The following SLC2A13 variants were observed in gnomAD, a reference collection of about 807,000 sequenced individuals.
SLC2A13 encodes the protein proton myo-inositol cotransporter.
Under a neutral mutation model 64.4 loss-of-function variants are expected in SLC2A13, and 32 were observed. The ratio of observed to expected loss-of-function variants is 0.50; its 90% CI spans 0.37 to 0.67. The LOEUF is 0.67. Among genes scored for constraint, SLC2A13 ranks in the 30% least tolerant of loss-of-function variants. SLC2A13 has a pLI of 0.00. For synonymous variants in SLC2A13, 338 were observed against 327.1 expected (o/e 1.03, Z -0.36); for missense variants, 743 against 829.2 (o/e 0.90, Z 1.28).
intron 5 of SLC2A13, among the ~76,000 whole-genome samples, chr12:39,868,725 A>C (rs1943968995): frequency 6.6e-6 from 1 of 152,210 alleles, no homozygotes; most frequent in African/African-American, 2.4e-5. Flanking sequence ...CCAATATTAA[A>C]GAATCAAGAA....
At chr12:40,100,969 C>CAAAAAAAAAAA (rs10633826) in intron 1 of SLC2A13, among the ~76,000 whole-genome samples, 1 of 84,678 alleles carries the variant, frequency 1.2e-5, no homozygotes, top group Non-Finnish European at 2.1e-5. Context: ...CCATCTCAGA[C>CAAAAAAAAAAA]AAAAAAAAAA....
At chr12:40,017,976 T>TAAAAAAAAAAAAAAAAAAAAA (rs5797648) in intron 3 of SLC2A13, among the ~76,000 whole-genome samples, 1 of 128,532 alleles carries the variant, frequency 7.8e-6, no homozygotes, top group African/African-American at 2.9e-5. Flanking sequence ...TGCACATATT[T>TAAAAAAAAAAAAAAAAAAAAA]AAAAAAAAAA....
chr12:39,776,146 C>T (rs1232908517), intron 7 of SLC2A13, among the ~76,000 whole-genome samples: 1 of 152,212 alleles, frequency 6.6e-6, no homozygotes, highest in Non-Finnish European at 1.5e-5. Context: ...TCAGGCATTA[C>T]AGTTATTAGC....
intron 7 of SLC2A13, among the ~76,000 whole-genome samples, chr12:39,769,681 T>A (rs1940491244): frequency 6.6e-6 from 1 of 151,998 alleles, no homozygotes; most frequent in Non-Finnish European, 1.5e-5. Flanking sequence ...CTTCTTTTCC[T>A]GCCCTATTTA....
intron 3 of SLC2A13, among the ~76,000 whole-genome samples, chr12:39,961,372 C>G (rs558897588): frequency 3.3e-5 from 5 of 152,144 alleles, no homozygotes; most frequent in Non-Finnish European, 5.9e-5. Flanking sequence ...AGCCACCACG[C>G]CTGGACTAAA....
intron 2 of SLC2A13, among the ~76,000 whole-genome samples, chr12:40,047,817 C>A (rs1236605843): frequency 6.6e-6 from 1 of 152,090 alleles, no homozygotes; most frequent in Non-Finnish European, 1.5e-5. Context: ...AGAAATGTCA[C>A]CTAAATGCTA....
intron 4 of SLC2A13, among the ~76,000 whole-genome samples, chr12:39,899,639 C>T (rs1159278109): frequency 6.6e-6 from 1 of 152,064 alleles, no homozygotes; most frequent in Non-Finnish European, 1.5e-5. Flanking sequence ...TTTCCCTCTA[C>T]ACACTGCTTT....
chr12:40,085,448 C>T (rs138812972), intron 1 of SLC2A13, among the ~76,000 whole-genome samples: 74 of 152,186 alleles, frequency 4.9e-4, no homozygotes, highest in African/African-American at 1.5e-3. Context: ...TGGAATCAGA[C>T]GCTATTTCTA....
chr12:39,855,949 A>G (rs1043576446), intron 6 of SLC2A13, among the ~76,000 whole-genome samples: 3 of 152,150 alleles, frequency 2.0e-5, no homozygotes, highest in African/African-American at 7.2e-5. Flanking sequence ...CCTAAACACT[A>G]TGTGACCTGT....
intron 3 of SLC2A13, among the ~76,000 whole-genome samples, chr12:39,996,606 G>A (rs533893693): frequency 6.6e-6 from 1 of 152,344 alleles, no homozygotes; most frequent in East Asian, 1.9e-4. Context: ...GCCCCATGCA[G>A]TGTGTAGCCT....
chr12:39,975,111 T>C (rs1370238926), intron 3 of SLC2A13, among the ~76,000 whole-genome samples: 1 of 152,208 alleles, frequency 6.6e-6, no homozygotes, highest in Admixed American at 6.5e-5. Flanking sequence ...TTCATTATGG[T>C]GATGCTTTTA....
intron 6 of SLC2A13, among the ~76,000 whole-genome samples, chr12:39,852,256 T>C (rs903414905): frequency 6.6e-6 from 1 of 152,224 alleles, no homozygotes. Flanking sequence ...GACCCGTCTC[T>C]GGTATTGTTC....
intron 9 of SLC2A13, among the ~76,000 whole-genome samples, chr12:39,762,141 T>C (rs550610585): frequency 1.3e-5 from 2 of 152,164 alleles, no homozygotes; most frequent in South Asian, 4.1e-4. Context: ...TGGGTTCCAA[T>C]GGTTAGACCT....
chr12:39,966,221 G>C (rs1054445100), intron 3 of SLC2A13, among the ~76,000 whole-genome samples: 12 of 151,810 alleles, frequency 7.9e-5, no homozygotes, highest in African/African-American at 2.7e-4. Flanking sequence ...CAGCGTGAGA[G>C]AGAGAGGTTT....
chr12:39,832,915 G>A (rs142648786), intron 6 of SLC2A13, among the ~76,000 whole-genome samples: 1 of 152,210 alleles, frequency 6.6e-6, no homozygotes, highest in East Asian at 1.9e-4. Flanking sequence ...TAGAGCAGAT[G>A]AGTAGCTCTT....
chr12:39,829,392 CTTTTTTTTT>C (rs1202354539), intron 7 of SLC2A13: 1 of 65,796 alleles, frequency 1.5e-5, no homozygotes, highest in Non-Finnish European at 2.5e-5. Context: ...GATAGTAATT[CTTTTTTTTT>C]TTTTTTTTTT....
chr12:39,780,090 T>C (rs1426245134), intron 7 of SLC2A13, among the ~76,000 whole-genome samples: 2 of 152,234 alleles, frequency 1.3e-5, no homozygotes, highest in African/African-American at 2.4e-5. Context: ...TTTGATGAAA[T>C]TGACTAACGT....
intron 3 of SLC2A13, among the ~76,000 whole-genome samples, chr12:39,959,835 TTC>T (rs767806521): frequency 3.3e-5 from 5 of 152,200 alleles, no homozygotes; most frequent in Non-Finnish European, 7.3e-5. Context: ...TTACTTTAAG[TTC>T]CAGGATACAC....
chr12:39,926,741 G>A (rs1945737035), intron 4 of SLC2A13, among the ~76,000 whole-genome samples: 1 of 152,102 alleles, frequency 6.6e-6, no homozygotes, highest in African/African-American at 2.4e-5. Flanking sequence ...TCAGCCTCCT[G>A]AGTAGCTGAG....
Sources: allele counts gnomAD v4.1 joint callset (sites outside exome capture counted in the v4.1 genomes callset), GRCh38; gene constraint gnomAD v4.1.1; transcripts MANE v1.5; gene names NCBI Gene and HGNC (gene_info 2026-07-23, HGNC 2026-07-21).